ATG2B: variants seen among roughly 807,000 people sequenced by gnomAD.
The protein encoded by ATG2B is autophagy-related protein 2 homolog B.
Under a neutral mutation model 241.3 loss-of-function variants are expected in ATG2B, and 121 were observed. The ratio of observed to expected loss-of-function variants is 0.50; its 90% CI spans 0.43 to 0.58. The LOEUF is 0.58. ATG2B is among the 20% of genes least tolerant of loss of function. The pLI is 0.00. For missense variants in ATG2B, 2,306 were observed against 2,491.6 expected (o/e 0.93, Z 1.59); for synonymous variants, 858 against 876.6 (o/e 0.98, Z 0.37).
At chr14:96,298,590 G>A (rs754674240) in intron 34 of ATG2B, among the ~76,000 whole-genome samples, 5 of 152,148 alleles carry the variant, frequency 3.3e-5, no homozygotes, top group Non-Finnish European at 7.4e-5. Flanking sequence ...ATCCTACTCA[G>A]CAATAAACAT....
chr14:96,329,660 G>A (rs17094019), intron 11 of ATG2B, 26 bp from the exon 12 acceptor site: 47 of 1,474,770 alleles, frequency 3.2e-5, no homozygotes, highest in South Asian at 9.6e-5. Context: ...CACCATTTAA[G>A]ATTATTAGTG....
rs140522325 is a variant in ATG2B at position 96,300,975 on chromosome 14, C to T, written c.5139+1032G>A. Among the ~76,000 whole-genome samples the T allele has an allele frequency of 6.2e-3, 947 of 152,270 alleles. 15 individuals carry two copies. Among genetic ancestry groups the T allele is most frequent in the African/African-American group, 0.022 (901 of 41,550 alleles). ...CAGTACTATTTAAGCAAATTAATAA[C>T]GTCCACCCCACAAATAAATACTCTA... On this transcript the variant is annotated intron_variant, in intron 34 of 41. Transcript: ENST00000359933.
chr14:96,357,945 C>T (rs1050803334), intron 1 of ATG2B, among the ~76,000 whole-genome samples: 11 of 152,060 alleles, frequency 7.2e-5, no homozygotes, highest in African/African-American at 2.7e-4. Context: ...TATTAAAAAC[C>T]TAACAGTGTT....
chr14:96,303,296 A>G (rs764662003), intron 32 of ATG2B, 41 bp from the exon 33 acceptor site: 4 of 1,368,212 alleles, frequency 2.9e-6, no homozygotes, highest in Non-Finnish European at 3.9e-6. Flanking sequence ...AGTTCTTTAC[A>G]TTCCTTTTAT....
intron 34 of ATG2B, among the ~76,000 whole-genome samples, chr14:96,299,415 T>C (rs940055231): frequency 1.3e-5 from 2 of 152,244 alleles, no homozygotes; most frequent in Non-Finnish European, 2.9e-5. Context: ...CTCTTTTATG[T>C]CAGTCTTCTA....
At chr14:96,288,571 A>G (rs1041392946) in intron 41 of ATG2B, among the ~76,000 whole-genome samples, 2 of 151,858 alleles carry the variant, frequency 1.3e-5, no homozygotes, top group Admixed American at 6.6e-5. Context: ...CCACTAATAC[A>G]TTTCTTGGGG....
At chr14:96,324,031 T>C in intron 15 of ATG2B, 33 bp from the exon 16 acceptor site, 1 of 1,435,842 alleles carries the variant, frequency 7.0e-7, no homozygotes, top group Non-Finnish European at 9.6e-7. Context: ...TGAAATGTGC[T>C]TCTTCTCAAG....
rs753250917 is a variant in ATG2B, at chr14:96,328,312, A to G, written c.2163+35T>C. 1.5e-5 allele frequency: 22 copies of G among 1,485,956 alleles called. No individual in the cohort carries two copies. The Admixed American group carries it at 4.2e-4, about 28-fold the overall frequency. 92.0% of individuals were successfully genotyped at this position (1,485,956 alleles called of 1,614,324 possible). A position where few individuals can be genotyped will look rare whatever the true frequency, so the allele number is the denominator to read the frequency against. ...TCAATAACCCTATTAGCTAACCATAATTATGATTAGTATTTGCAGCTTTTG... is the reference window on the plus strand; with the variant it reads ...TCAATAACCCTATTAGCTAACCATAGTTATGATTAGTATTTGCAGCTTTTG... On this transcript the variant is annotated intron_variant, in intron 14 of 41. Coordinates refer to ENST00000359933, the MANE Select transcript of ATG2B (RefSeq NM_018036.7).
At chr14:96,340,924 TCGAA>T (rs1888016767) in intron 6 of ATG2B, among the ~76,000 whole-genome samples, 1 of 62,898 alleles carries the variant, frequency 1.6e-5, no homozygotes. Flanking sequence ...AGACCCCATC[TCGAA>T]AAAAAAAAAA....
rs555101427 is a variant in ATG2B at position 96,309,446 on chromosome 14, G to C, written c.4303+7C>G. 3.7e-6 allele frequency: 6 copies of C among 1,613,076 alleles called. No individual in the cohort carries two copies. Among genetic ancestry groups the C allele is most frequent in the South Asian group, 1.1e-5 (1 of 90,920 alleles). On this transcript the variant is annotated splice_region_variant and intron_variant, in intron 29 of 41. Transcript: ENST00000359933. The stretch of plus-strand genomic sequence containing the variant: ...TCAGTGCTCCCTGAGAAGAGTCCTG[G>C]TCTTACCATTAGCCTGTGGTTTTAC...
chr14:96,343,628 A>T (rs1888101566), intron 4 of ATG2B, among the ~76,000 whole-genome samples: 1 of 152,168 alleles, frequency 6.6e-6, no homozygotes, highest in Non-Finnish European at 1.5e-5. Context: ...AGAGAAAAAA[A>T]TTAATAACTC....
chr14:96,316,221 C>A (rs948783624), intron 21 of ATG2B, among the ~76,000 whole-genome samples: 1 of 152,088 alleles, frequency 6.6e-6, no homozygotes, highest in Non-Finnish European at 1.5e-5. Flanking sequence ...TATGAAATTT[C>A]TTCATGGGGT....
At chr14:96,348,022 A>T (rs917303076) in intron 1 of ATG2B, among the ~76,000 whole-genome samples, 1 of 152,214 alleles carries the variant, frequency 6.6e-6, no homozygotes, top group Admixed American at 6.5e-5. Flanking sequence ...TATGGAAGAG[A>T]TATCCACGCT....
At chr14:96,308,279 TATA>T (rs1566719987) in intron 29 of ATG2B, among the ~76,000 whole-genome samples, 7 of 41,716 alleles carry the variant, frequency 1.7e-4, no homozygotes, top group South Asian at 1.5e-3. Context: ...TATATATATA[TATA>T]TTTTTTTTTT....
rs577313705 is a variant in ATG2B at position 96,289,387 on chromosome 14, T to C, written c.6006+269A>G. ...AACCTAGACAGCGATCACACGGCAT[T>C]TGTTTCTATCACTCCCTGAGTGCTT... On this transcript the variant is annotated intron_variant, in intron 41 of 41. Coordinates refer to ENST00000359933, the MANE Select transcript of ATG2B (RefSeq NM_018036.7). The surrounding 1 kb of genome is among the most constrained non-coding windows in gnomAD (Gnocchi z 4.3). 1.0e-4 allele frequency: 33 copies of C among 327,122 alleles called. No homozygotes were observed. The highest frequency in any genetic ancestry group is 1.0e-4 in the Non-Finnish European group (18 of 176,622). The allele number at this position is 327,122 out of a possible 1,614,324, so 20.3% of individuals were successfully genotyped here.
Position 96,331,496 on chromosome 14 carries a change from G to A in ATG2B, c.1610C>T (p.Thr537Ile). 1 of 1,614,070 alleles carries A rather than the reference G, an allele frequency of 6.2e-7. No homozygotes were observed. ...AGTAAAGAAAGCTACTGCCATAGGTGTCAATGGATTAAGGTTCTGTGACGT... is the reference window on the plus strand; with the variant it reads ...AGTAAAGAAAGCTACTGCCATAGGTATCAATGGATTAAGGTTCTGTGACGT... ...PETSQNLNPLTPMAVAFFTCI... is the reference protein window; with the variant it reads ...PETSQNLNPLIPMAVAFFTCI... The change falls in exon 11 of 42, where the codon ACA (threonine) becomes ATA (isoleucine). Residue 537 changes from threonine to isoleucine, a missense_variant. Thr to Ile is a moderately conservative substitution (Grantham distance 89). Coordinates refer to ENST00000359933, the MANE Select transcript of ATG2B (RefSeq NM_018036.7).
Position 96,331,946 on chromosome 14 carries a change from G to C in ATG2B, c.1469-309C>G, listed in dbSNP as rs551849492. Among the ~76,000 whole-genome samples the C allele has an allele frequency of 1.3e-4, 19 of 151,908 alleles. No homozygotes were observed. The South Asian group carries it at 4.0e-3, about 32-fold the overall frequency. ...TCACCAAATTTTCCTTTAAGCCTTG[G>C]GTCTATATCAATTAAATTTTGCAGA... is the stretch of plus-strand genomic sequence containing the variant. On this transcript the variant is annotated intron_variant, in intron 10 of 41. Coordinates refer to ENST00000359933, the MANE Select transcript of ATG2B (RefSeq NM_018036.7).
intron 41 of ATG2B, among the ~76,000 whole-genome samples, chr14:96,287,135 G>C (rs994253455): frequency 1.3e-5 from 2 of 151,014 alleles, no homozygotes; most frequent in Admixed American, 6.7e-5. Context: ...GGCGCCTGTA[G>C]TCCCAGCTAC....
At position 96,290,267 on chromosome 14, in the gene ATG2B, T is replaced by A. The variant is rs1167955981; in HGVS notation, c.5856+169A>T. On this transcript the variant is annotated intron_variant, in intron 40 of 41. Coordinates refer to ENST00000359933, the MANE Select transcript of ATG2B (RefSeq NM_018036.7). This position sits in a 1 kb window ranked among gnomAD's most constrained non-coding sequence, Gnocchi z 4.4. The stretch of plus-strand genomic sequence containing the variant: ...TATTCCACTGCTTTATTCTAATTAT[T>A]TAACACTAAACATTTAAGCAATAAA... 1 of 1,249,478 alleles carries A rather than the reference T, an allele frequency of 8.0e-7. No individual in the cohort carries two copies. The highest frequency in any genetic ancestry group is 1.1e-6 in the Non-Finnish European group (1 of 942,176). The allele number at this position is 1,249,478 out of a possible 1,614,324, so 77.4% of individuals were successfully genotyped here.
Sources: gnomAD v4.1 joint callset for allele counts (sites outside exome capture counted in the v4.1 genomes callset) on GRCh38, gnomAD v4.1.1 for gene constraint, Gnocchi (gnomAD v3.1) non-coding constraint, MANE v1.5 for transcripts, NCBI Gene and HGNC (gene_info 2026-07-23, HGNC 2026-07-21) for gene names.